PKIG: variants seen among roughly 807,000 people sequenced by gnomAD.
PKIG encodes the protein protein kinase (cAMP-dependent, catalytic) inhibitor gamma.
In PKIG, 1 loss-of-function variant was observed where a neutral mutation model predicts 6.8. The observed-to-expected ratio is 0.15, with a 90% CI of 0.05 to 0.69. PKIG has a LOEUF of 0.69. PKIG is among the 30% of genes least tolerant of loss of function. The probability of loss-of-function intolerance (pLI) is 0.82; values close to 1 mark genes in which losing one functional copy is unlikely to be tolerated. For synonymous variants in PKIG, 39 were observed against 43.0 expected (o/e 0.91, Z 0.36); for missense variants, 77 against 104.0 (o/e 0.74, Z 1.13).
chr20:44,595,842 G>GTGGA (rs1268977638), intron 2 of PKIG, among the ~76,000 whole-genome samples: 63 of 151,924 alleles, frequency 4.1e-4, no homozygotes, highest in Non-Finnish European at 2.9e-5. Context: ...CAACTGTCCT[G>GTGGA]TGGATGCCCC....
At chr20:44,559,303 A>G (rs2064746135) in intron 1 of PKIG, among the ~76,000 whole-genome samples, 1 of 152,218 alleles carries the variant, frequency 6.6e-6, no homozygotes, top group Non-Finnish European at 1.5e-5. Context: ...AAAATCTATA[A>G]ATGAGATCAT....
chr20:44,544,060 G>A (rs909906985), intron 1 of PKIG, among the ~76,000 whole-genome samples: 11 of 134,314 alleles, frequency 8.2e-5, no homozygotes, highest in African/African-American at 2.2e-4. Flanking sequence ...GCAAAACTCC[G>A]CCTCAAAAAA....
At chr20:44,534,261 C>T (rs950538386) in intron 1 of PKIG, among the ~76,000 whole-genome samples, 6 of 152,128 alleles carry the variant, frequency 3.9e-5, no homozygotes, top group African/African-American at 1.4e-4. Context: ...AGTGGAGGAG[C>T]TCCACAGTAC....
intron 1 of PKIG, among the ~76,000 whole-genome samples, chr20:44,584,945 T>TC (rs2064977987): frequency 6.6e-6 from 1 of 152,070 alleles, no homozygotes; most frequent in Non-Finnish European, 1.5e-5. Context: ...GCTGCAGTCT[T>TC]CCCCAGCATT....
chr20:44,606,477 G>A (rs947106517), intron 2 of PKIG, among the ~76,000 whole-genome samples: 2 of 152,184 alleles, frequency 1.3e-5, no homozygotes, highest in African/African-American at 2.4e-5. Flanking sequence ...TAGGTCATGA[G>A]GGCTCCTTCC....
At chr20:44,595,428 T>C (rs1413322032) in intron 2 of PKIG, among the ~76,000 whole-genome samples, 2 of 152,266 alleles carry the variant, frequency 1.3e-5, no homozygotes, top group Non-Finnish European at 2.9e-5. Context: ...AGGCATGAAC[T>C]GGGATACAGT....
intron 1 of PKIG, among the ~76,000 whole-genome samples, chr20:44,537,948 A>C (rs2064527901): frequency 6.6e-6 from 1 of 152,160 alleles, no homozygotes; most frequent in South Asian, 2.1e-4. Context: ...AAATAAATGA[A>C]ACAAAAATAA....
At chr20:44,537,549 C>G (rs1000919328) in intron 1 of PKIG, among the ~76,000 whole-genome samples, 2 of 150,986 alleles carry the variant, frequency 1.3e-5, no homozygotes, top group East Asian at 3.9e-4. Context: ...TCAGTTTTAT[C>G]TCAATAACAC....
intron 1 of PKIG, among the ~76,000 whole-genome samples, chr20:44,558,898 C>T (rs915365801): frequency 6.6e-6 from 1 of 151,950 alleles, no homozygotes; most frequent in Non-Finnish European, 1.5e-5. Flanking sequence ...ACTATAAATG[C>T]GTGCCACTGT....
chr20:44,577,557 A>G (rs1183040849), intron 1 of PKIG, among the ~76,000 whole-genome samples: 11 of 152,156 alleles, frequency 7.2e-5, no homozygotes, highest in Non-Finnish European at 1.5e-5. Context: ...ATCTTTTTAC[A>G]ATAAGCAATT....
At chr20:44,566,838 T>C (rs2064814738) in intron 1 of PKIG, among the ~76,000 whole-genome samples, 2 of 152,132 alleles carry the variant, frequency 1.3e-5, no homozygotes, top group Admixed American at 1.3e-4. Context: ...AGACCAAGAC[T>C]GTCTCTAAAT....
In PKIG at chr20:44,618,915, G is replaced by A. The variant is rs1412519861; in HGVS notation, c.*551G>A. 1.3e-5 allele frequency: 2 copies of A among 156,548 alleles called. No individual in the cohort carries two copies. The highest frequency in any genetic ancestry group is 2.8e-5 in the Non-Finnish European group (2 of 70,386). The allele number at this position is 156,548 out of a possible 1,614,324, so 9.7% of individuals were successfully genotyped here. A position where few individuals can be genotyped will look rare whatever the true frequency, so the allele number is the denominator to read the frequency against. On this transcript the variant is annotated 3_prime_UTR_variant, in exon 4 of 4. Transcript: ENST00000372886. ...TGTGCATCTCTGAGGTTCCCTCATG[G>A]AGCTCCACAGATCCATTTTTAGGGA...
At chr20:44,541,166 G>A (rs2064558333) in intron 1 of PKIG, among the ~76,000 whole-genome samples, 1 of 152,202 alleles carries the variant, frequency 6.6e-6, no homozygotes, top group Admixed American at 6.5e-5. Context: ...ATAGGCTTAG[G>A]ACATGAGCAG....
At chr20:44,563,405 G>A (rs1266492273) in intron 1 of PKIG, among the ~76,000 whole-genome samples, 1 of 151,824 alleles carries the variant, frequency 6.6e-6, no homozygotes. Flanking sequence ...TCTGTGGGTC[G>A]GAAGTTTGGA....
intron 1 of PKIG, among the ~76,000 whole-genome samples, chr20:44,545,820 AAAACATATATATACATAT>A (rs1230823707): frequency 1.3e-5 from 2 of 152,140 alleles, no homozygotes; most frequent in African/African-American, 4.8e-5. Flanking sequence ...CCCTGTCTCC[AAAACATATATATACATAT>A]ATGTTTCTGC....
At chr20:44,578,421 A>T (rs2064918838), upstream of PKIG, among the ~76,000 whole-genome samples, 1 of 151,306 alleles carries the variant, frequency 6.6e-6, no homozygotes, top group South Asian at 2.1e-4. Context: ...GTGTTTCACC[A>T]TGTTGGCCAG....
intron 1 of PKIG, among the ~76,000 whole-genome samples, chr20:44,536,460 G>A (rs2064513279): frequency 6.6e-6 from 1 of 152,204 alleles, no homozygotes; most frequent in African/African-American, 2.4e-5. Flanking sequence ...GAAAGGGAAA[G>A]GAGAGGGCAG....
chr20:44,558,638 CT>C (rs929294497), intron 1 of PKIG, among the ~76,000 whole-genome samples: 116 of 138,690 alleles, frequency 8.4e-4, no homozygotes, highest in East Asian at 1.4e-3. Context: ...TTCATTCTTT[CT>C]TTTTTTCTTT....
chr20:44,614,839 G>T lies in PKIG; in HGVS notation c.151+132G>T. ...CACATTTAAGTCAGGCCTGCCCCATGGTCAGTGGCAGAGTCCAGCAATCTC... is the reference window on the plus strand; with the variant it reads ...CACATTTAAGTCAGGCCTGCCCCATTGTCAGTGGCAGAGTCCAGCAATCTC... On this transcript the variant is annotated intron_variant, in intron 3 of 3. Coordinates refer to ENST00000372886, the MANE Select transcript of PKIG (RefSeq NM_001281445.2). The surrounding 1 kb of genome is among the most constrained non-coding windows in gnomAD (Gnocchi z 4.6). 1 of 885,646 alleles carries T rather than the reference G, an allele frequency of 1.1e-6. No individual in the cohort carries two copies. 54.9% of individuals were successfully genotyped at this position (885,646 alleles called of 1,614,324 possible). A position where few individuals can be genotyped will look rare whatever the true frequency, so the allele number is the denominator to read the frequency against.
Sources: gnomAD v4.1 joint callset for allele counts (sites outside exome capture counted in the v4.1 genomes callset) on GRCh38, gnomAD v4.1.1 for gene constraint, Gnocchi (gnomAD v3.1) non-coding constraint, MANE v1.5 for transcripts, NCBI Gene and HGNC (gene_info 2026-07-23, HGNC 2026-07-21) for gene names.